MYLK4: variants seen among roughly 807,000 people sequenced by gnomAD.
The protein encoded by MYLK4 is myosin light chain kinase family member 4, also known as caMLCK like.
A neutral mutation model predicts 48.1 loss-of-function variants in MYLK4; 46 were observed. The ratio of observed to expected loss-of-function variants is 0.96; its 90% CI spans 0.75 to 1.22. MYLK4 has a LOEUF of 1.22. Ranked by LOEUF, MYLK4 falls within the 50% of genes most tolerant of loss-of-function variation. The pLI, the probability that MYLK4 is intolerant of heterozygous loss-of-function variation, is 0.00. For synonymous variants in MYLK4, 170 were observed against 180.8 expected, an observed-to-expected ratio of 0.94 and a Z score of 0.48; for missense variants, 451 against 486.1, an observed-to-expected ratio of 0.93 and a Z score of 0.68.
At chr6:2,768,283 G>A in the MYLK4 span, among the ~76,000 whole-genome samples, 1 of 152,164 alleles carries the variant, frequency 6.6e-6, no homozygotes, top group African/African-American at 2.4e-5. Flanking sequence ...TCTGCGATGA[G>A]TTCTGCACCT....
chr6:2,683,568 C>T (rs1022392124), intron 6 of MYLK4, among the ~76,000 whole-genome samples: 13 of 152,166 alleles, frequency 8.5e-5, no homozygotes, highest in Admixed American at 1.3e-4. Context: ...TAGAGGCATG[C>T]GCCACCATGC....
chr6:2,741,100 C>T, intron 2 of MYLK4, among the ~76,000 whole-genome samples: 1 of 25,512 alleles, frequency 3.9e-5, no homozygotes, highest in Non-Finnish European at 9.5e-5. Context: ...TTTTAAATGA[C>T]TCATATGAAA....
chr6:2,735,619 C>T (rs906068709), intron 2 of MYLK4, among the ~76,000 whole-genome samples: 8 of 152,246 alleles, frequency 5.3e-5, no homozygotes, highest in African/African-American at 1.2e-4. Context: ...CCCATGGGGA[C>T]GGAGCTGCAG....
At chr6:2,768,087 G>T in the MYLK4 span, among the ~76,000 whole-genome samples, 20 of 152,076 alleles carry the variant, frequency 1.3e-4, no homozygotes, top group African/African-American at 4.8e-4. Context: ...GCTTTACCTG[G>T]GTCTCCTTGG....
rs776126951 is a variant in MYLK4 at position 2,679,357 on chromosome 6, G to A, written c.810C>T (p.Leu270=). Residue 270 remains leucine, a synonymous_variant, in exon 9 of 13, where the codon CTC becomes CTT. Transcript: ENST00000274643. ...LKVNFGTPEF[L]APEVVNYDFV... is the part of the protein sequence containing the mutation. ...AATCATAGTTCACAACTTCAGGGGC[G>A]AGAAATTCTGGGGTTCCAAAGTTCA... 6.8e-6 allele frequency: 11 copies of A among 1,613,992 alleles called. No homozygotes were observed. Among genetic ancestry groups the A allele is most frequent in the African/African-American group, 5.3e-5 (4 of 74,906 alleles).
chr6:2,711,477 C>CTCCT, intron 2 of MYLK4, among the ~76,000 whole-genome samples: 1 of 152,336 alleles, frequency 6.6e-6, no homozygotes, highest in South Asian at 2.1e-4. Flanking sequence ...ACTTCAGAAT[C>CTCCT]TCCTCATTAA....
the MYLK4 span, among the ~76,000 whole-genome samples, chr6:2,756,694 G>T: frequency 1.4e-4 from 22 of 152,082 alleles, no homozygotes; most frequent in African/African-American, 5.1e-4. Context: ...GATACTTTAA[G>T]CCTAAAAATT....
At chr6:2,769,923 ATG>A in the MYLK4 span, among the ~76,000 whole-genome samples, 1 of 152,154 alleles carries the variant, frequency 6.6e-6, no homozygotes, top group South Asian at 2.1e-4. Flanking sequence ...ATTCCAGAAG[ATG>A]TGTTTCAGAC....
At chr6:2,758,054 G>C in the MYLK4 span, among the ~76,000 whole-genome samples, 1 of 152,186 alleles carries the variant, frequency 6.6e-6, no homozygotes, top group Non-Finnish European at 1.5e-5. Flanking sequence ...GGTAAACAAT[G>C]AGATAAAAAT....
At chr6:2,762,622 G>A in the MYLK4 span, among the ~76,000 whole-genome samples, 2 of 152,316 alleles carry the variant, frequency 1.3e-5, no homozygotes, top group East Asian at 3.9e-4. Flanking sequence ...TCACTTCTGT[G>A]ATGCTCCTGC....
intron 7 of MYLK4, among the ~76,000 whole-genome samples, chr6:2,681,767 A>G (rs1409072516): frequency 6.6e-6 from 1 of 152,186 alleles, no homozygotes; most frequent in East Asian, 1.9e-4. Context: ...TGATCTCTGC[A>G]TCCAAGCCAT....
At chr6:2,769,917 C>T in the MYLK4 span, among the ~76,000 whole-genome samples, 2 of 152,144 alleles carry the variant, frequency 1.3e-5, no homozygotes, top group Non-Finnish European at 2.9e-5. Context: ...ACGGGCATTC[C>T]AGAAGATGTG....
intron 2 of MYLK4, among the ~76,000 whole-genome samples, chr6:2,736,274 A>T (rs1449343952): frequency 6.6e-6 from 1 of 152,228 alleles, no homozygotes; most frequent in Non-Finnish European, 1.5e-5. Flanking sequence ...GTTGTTTTTG[A>T]GATGGAGTCT....
At chr6:2,765,189 CCCCCGCCCCTCCCCCG>C in the MYLK4 span, among the ~76,000 whole-genome samples, 7 of 104,166 alleles carry the variant, frequency 6.7e-5, no homozygotes, top group Admixed American at 1.9e-4. Flanking sequence ...GCAACCCCCC[CCCCCGCCCCTCCCCCG>C]CCCCCGCAAA....
chr6:2,682,030 T>C (rs1233645040), intron 7 of MYLK4, among the ~76,000 whole-genome samples: 1 of 152,142 alleles, frequency 6.6e-6, no homozygotes, highest in Admixed American at 6.5e-5. Flanking sequence ...CCTGCTCTCC[T>C]CCTGCTCAAA....
At chr6:2,765,723 C>T in the MYLK4 span, 5 of 1,534,984 alleles carry the variant, frequency 3.3e-6, no homozygotes, top group Non-Finnish European at 4.4e-6. Context: ...CACATCAACT[C>T]GCACCTGGAC....
chr6:2,762,361 C>T, the MYLK4 span, among the ~76,000 whole-genome samples: 2 of 152,140 alleles, frequency 1.3e-5, no homozygotes. Context: ...TACCAAAATA[C>T]TAACAATGAT....
chr6:2,694,537 T>TGGCGGC (rs1761967549), intron 2 of MYLK4, among the ~76,000 whole-genome samples: 1 of 128,422 alleles, frequency 7.8e-6, no homozygotes, highest in African/African-American at 3.0e-5. Flanking sequence ...GTGGTAGTAG[T>TGGCGGC]GTTGGTTGTG....
At chr6:2,751,242 T>C (rs1429794510), upstream of MYLK4, among the ~76,000 whole-genome samples, 1 of 152,214 alleles carries the variant, frequency 6.6e-6, no homozygotes, top group Non-Finnish European at 1.5e-5. Context: ...TTTCCCCCAG[T>C]AGGGAAAATG....
Sources: allele counts gnomAD v4.1 joint callset (sites outside exome capture counted in the v4.1 genomes callset), GRCh38; gene constraint gnomAD v4.1.1; transcripts MANE v1.5; gene names NCBI Gene and HGNC (gene_info 2026-07-23, HGNC 2026-07-21).